LRRFIP1: variants seen among roughly 807,000 people sequenced by gnomAD.
LRRFIP1 encodes the protein LRR binding FLII interacting protein 1.
A neutral mutation model predicts 104.4 loss-of-function variants in LRRFIP1; 62 were observed. The ratio of observed to expected loss-of-function variants is 0.59; its 90% CI spans 0.48 to 0.73. LRRFIP1 has a LOEUF of 0.73. Among genes scored for constraint, LRRFIP1 ranks in the 30% least tolerant of loss-of-function variants. The probability of loss-of-function intolerance (pLI) is 0.00; values close to 1 mark genes in which losing one functional copy is unlikely to be tolerated. For missense variants in LRRFIP1, 796 were observed against 824.5 expected, an observed-to-expected ratio of 0.97 and a Z score of 0.42; for synonymous variants, 300 against 299.0, an observed-to-expected ratio of 1.00 and a Z score of -0.03.
chr2:237,735,965 G>C lies in LRRFIP1; in HGVS notation c.555+632G>C, dbSNP rs997430065. Among the ~76,000 whole-genome samples the C allele has an allele frequency of 3.3e-5, 5 of 152,224 alleles. No homozygotes were observed. The highest frequency in any genetic ancestry group is 9.6e-5 in the African/African-American group (4 of 41,452). On this transcript the variant is annotated intron_variant, in intron 10 of 23. Coordinates refer to ENST00000308482, the MANE Select transcript of LRRFIP1 (RefSeq NM_001137550.2). The surrounding 1 kb of genome is among the most constrained non-coding windows in gnomAD (Gnocchi z 4.6). Reference sequence around the variant, plus strand: ...CGTTCAGTGCTAACCGGTGCTCCCTGGCGGTGGATCTCCTGTATTCAGAGG... The same window carrying C: ...CGTTCAGTGCTAACCGGTGCTCCCTCGCGGTGGATCTCCTGTATTCAGAGG...
intron 11 of LRRFIP1, among the ~76,000 whole-genome samples, chr2:237,741,850 A>C (rs190230307): frequency 6.6e-5 from 10 of 152,280 alleles, no homozygotes; most frequent in African/African-American, 2.2e-4. Context: ...AAAAGAAAAA[A>C]AAGAAAGAAA....
chr2:237,686,373 G>A (rs1299845278), intron 1 of LRRFIP1, among the ~76,000 whole-genome samples: 1 of 152,198 alleles, frequency 6.6e-6, no homozygotes, highest in Non-Finnish European at 1.5e-5. Flanking sequence ...CTAAAGACAT[G>A]TCATTTTTAA....
At chr2:237,742,053 G>A (rs990561321) in intron 11 of LRRFIP1, among the ~76,000 whole-genome samples, 2 of 152,196 alleles carry the variant, frequency 1.3e-5, no homozygotes, top group African/African-American at 4.8e-5. Context: ...TAGTCACTTA[G>A]AGATTGAAAT....
rs2061411801 is a variant in LRRFIP1 at position 237,780,616 on chromosome 2, C to T, written c.*1084C>T. On this transcript the variant is annotated 3_prime_UTR_variant, in exon 24 of 24. Coordinates refer to ENST00000308482, the MANE Select transcript of LRRFIP1 (RefSeq NM_001137550.2). The stretch of plus-strand genomic sequence containing the variant: ...GTATTTCAAGTATGGCTGGTGAAGC[C>T]AGTCAGCTTTTCGGGACGTTAGCAA... Among the ~76,000 whole-genome samples, 1 of 152,160 alleles carries T rather than the reference C, an allele frequency of 6.6e-6. No individual in the cohort carries two copies. The highest frequency in any genetic ancestry group is 2.4e-5 in the African/African-American group (1 of 41,430).
chr2:237,632,004 C>T (rs1007565059), intron 1 of LRRFIP1, among the ~76,000 whole-genome samples: 7 of 152,242 alleles, frequency 4.6e-5, no homozygotes, highest in African/African-American at 1.7e-4. Flanking sequence ...GCTGCCCCAC[C>T]CGGCTGCTTC....
intron 1 of LRRFIP1, among the ~76,000 whole-genome samples, chr2:237,641,806 A>G (rs1210274180): frequency 6.6e-6 from 1 of 152,172 alleles, no homozygotes; most frequent in Non-Finnish European, 1.5e-5. Context: ...TGCACAATAT[A>G]TTGTACAGTT....
intron 11 of LRRFIP1, among the ~76,000 whole-genome samples, chr2:237,745,431 G>A (rs1331226019): frequency 6.6e-6 from 1 of 152,174 alleles, no homozygotes; most frequent in Admixed American, 6.5e-5. Context: ...TTTATTTTGA[G>A]TCCGTTGTGT....
intron 1 of LRRFIP1, among the ~76,000 whole-genome samples, chr2:237,671,494 C>G (rs921058466): frequency 2.0e-5 from 3 of 152,162 alleles, no homozygotes; most frequent in Non-Finnish European, 4.4e-5. Context: ...CCTATTGTAA[C>G]AATACATTTC....
intron 1 of LRRFIP1, among the ~76,000 whole-genome samples, chr2:237,685,348 A>T (rs1329616683): frequency 6.6e-6 from 1 of 152,234 alleles, no homozygotes; most frequent in Non-Finnish European, 1.5e-5. Flanking sequence ...AGAGTAAAAT[A>T]CATTAGAAAT....
In LRRFIP1 at chr2:237,661,040, T is replaced by C. The variant is rs1241402755; in HGVS notation, c.96+33300T>C. Among the ~76,000 whole-genome samples the C allele has an allele frequency of 2.6e-5, 4 of 152,170 alleles. No homozygotes were observed. Among genetic ancestry groups the C allele is most frequent in the Non-Finnish European group, 2.9e-5 (2 of 68,024 alleles). The stretch of plus-strand genomic sequence containing the variant: ...CCTGGCTCCAGAGGCACGCAGTCCC[T>C]GTGCCCCGAGAAACTAACATGCCAT... On this transcript the variant is annotated intron_variant, in intron 1 of 23. Transcript: ENST00000308482. The surrounding 1 kb of genome is among the most constrained non-coding windows in gnomAD (Gnocchi z 4.4).
chr2:237,688,441 CTT>C (rs5839674), intron 1 of LRRFIP1, among the ~76,000 whole-genome samples: 7,288 of 132,526 alleles, frequency 0.055, 445 homozygotes, highest in African/African-American at 0.16. Context: ...GATGGACCCC[CTT>C]TTTTTTTTTT....
intron 19 of LRRFIP1, chr2:237,763,854 G>C: frequency 6.2e-7 from 1 of 1,614,258 alleles, no homozygotes; most frequent in Non-Finnish European, 8.5e-7. Flanking sequence ...ACTCAAAGCA[G>C]TCCTGCAGAA....
chr2:237,772,876 C>G lies in LRRFIP1; in HGVS notation c.1638C>G (p.Asn546Lys), dbSNP rs1171772588. ...MHVMDLQRDA[N>K]RQISDLKFKL... ...TCTTTCAACCTTTAGGGGATGCCAACAGACAGATCAGCGACCTCAAATTTA... is the reference window on the plus strand; with the variant it reads ...TCTTTCAACCTTTAGGGGATGCCAAGAGACAGATCAGCGACCTCAAATTTA... Residue 546 changes from asparagine (N) to lysine (K), a missense_variant, in exon 22 of 24, where the codon AAC becomes AAG. By Grantham distance (94) the Asn-to-Lys change is moderately conservative. Transcript: ENST00000308482. The G allele has an allele frequency of 6.2e-7, 1 of 1,613,310 alleles. No individual in the cohort carries two copies. The highest frequency in any genetic ancestry group is 1.1e-5 in the South Asian group (1 of 91,072).
chr2:237,755,362 G>A (rs2059143168), intron 15 of LRRFIP1, among the ~76,000 whole-genome samples: 4 of 152,156 alleles, frequency 2.6e-5, no homozygotes, highest in Admixed American at 2.0e-4. Context: ...GCTTTAGTAG[G>A]CCATGTTTAT....
At position 237,629,050 on chromosome 2, in the gene LRRFIP1, G is replaced by A. The variant is rs75492863; in HGVS notation, c.96+1310G>A. ...CCACGGCCCTCCATGGCATGCCCGC[G>A]CCTGGCATGGCAGTCAGGATACCTT... On this transcript the variant is annotated intron_variant, in intron 1 of 23. Transcript: ENST00000308482. Among the ~76,000 whole-genome samples the A allele has an allele frequency of 3.2e-3, 492 of 152,214 alleles. 2 individuals carry two copies. The highest frequency in any genetic ancestry group is 1.0e-2 in the African/African-American group (415 of 41,528).
intron 14 of LRRFIP1, among the ~76,000 whole-genome samples, chr2:237,752,894 C>T (rs1013232813): frequency 4.6e-5 from 7 of 152,224 alleles, no homozygotes; most frequent in African/African-American, 1.4e-4. Flanking sequence ...CCATCACACA[C>T]TGGCTCTTTC....
intron 1 of LRRFIP1, chr2:237,692,607 G>T (rs1377399946): frequency 7.3e-7 from 1 of 1,369,362 alleles, no homozygotes. Context: ...TCAATGGCAG[G>T]CGCAGGTGCC....
chr2:237,756,710 A>G (rs1390097762), intron 16 of LRRFIP1, among the ~76,000 whole-genome samples: 2 of 152,140 alleles, frequency 1.3e-5, no homozygotes, highest in East Asian at 1.9e-4. Context: ...GAACATTCCT[A>G]TTCTTTGGTG....
rs2085588437 is a variant in LRRFIP1 at position 237,649,704 on chromosome 2, C to G, written c.96+21964C>G. Among the ~76,000 whole-genome samples the G allele has an allele frequency of 3.3e-5, 5 of 151,986 alleles. No homozygotes were observed. The South Asian group carries it at 1.0e-3, about 32-fold the overall frequency. ...TCACATTTCTCACCGGAGTCCTCGT[C>G]CCATCGCCTCCTCTCTCCCTGCCGC... On this transcript the variant is annotated intron_variant, in intron 1 of 23. Transcript: ENST00000308482. This position sits in a 1 kb window ranked among gnomAD's most constrained non-coding sequence, Gnocchi z 4.1.
Sources: gnomAD v4.1 joint callset for allele counts (sites outside exome capture counted in the v4.1 genomes callset) on GRCh38, gnomAD v4.1.1 for gene constraint, Gnocchi (gnomAD v3.1) non-coding constraint, MANE v1.5 for transcripts, NCBI Gene and HGNC (gene_info 2026-07-23, HGNC 2026-07-21) for gene names.